Variants in ZNF724 observed in about 807,000 individuals in gnomAD.
The protein encoded by ZNF724 is zinc finger protein 724 pseudogene.
Under a neutral mutation model 29.3 loss-of-function variants are expected in ZNF724, and 14 were observed. The observed-to-expected ratio is 0.48, with a 90% CI of 0.32 to 0.75. The LOEUF is 0.75. Among genes scored for constraint, ZNF724 ranks in the 30% least tolerant of loss-of-function variants. The pLI, the probability that ZNF724 is intolerant of heterozygous loss-of-function variation, is 0.04. For missense variants in ZNF724, 557 were observed against 571.2 expected, an observed-to-expected ratio of 0.98 and a Z score of 0.25; for synonymous variants, 180 against 193.6, an observed-to-expected ratio of 0.93 and a Z score of 0.58.
At chr19:23,226,660 A>G (rs1274608175) in intron 3 of ZNF724, among the ~76,000 whole-genome samples, 1 of 152,230 alleles carries the variant, frequency 6.6e-6, no homozygotes, top group Non-Finnish European at 1.5e-5. Flanking sequence ...CAGTGTAGAA[A>G]TAAGATTATT....
At chr19:23,243,430 C>T (rs376013001) in intron 1 of ZNF724, among the ~76,000 whole-genome samples, 26 of 137,036 alleles carry the variant, frequency 1.9e-4, no homozygotes, top group African/African-American at 6.8e-4. Flanking sequence ...GAGCTGAGAT[C>T]GCGCCACTGC....
intron 3 of ZNF724, among the ~76,000 whole-genome samples, chr19:23,224,631 C>T (rs573271216): frequency 2.6e-5 from 4 of 152,054 alleles, no homozygotes; most frequent in Non-Finnish European, 4.4e-5. Context: ...CACAGCTCAT[C>T]CCTCTCCCCA....
At chr19:23,237,709 A>C (rs55734892) in intron 1 of ZNF724, among the ~76,000 whole-genome samples, 1,982 of 116,278 alleles carry the variant, frequency 0.017, 56 homozygotes, top group African/African-American at 0.06. Flanking sequence ...CAGAGCAAGA[A>C]CCCGTCTTAA....
intron 1 of ZNF724, among the ~76,000 whole-genome samples, chr19:23,239,169 C>CA (rs1346470250): frequency 6.6e-6 from 1 of 150,942 alleles, no homozygotes; most frequent in Non-Finnish European, 1.5e-5. Context: ...ATCATTGAAG[C>CA]AAAAAAATTA....
intron 1 of ZNF724, among the ~76,000 whole-genome samples, chr19:23,245,474 G>A (rs547057030): frequency 1.3e-5 from 2 of 152,248 alleles, no homozygotes; most frequent in South Asian, 2.1e-4. Flanking sequence ...TTAGCCAGGC[G>A]TGGTGGCGGG....
intron 2 of ZNF724, 149 bp from the exon 3 acceptor site, chr19:23,231,510 T>C: frequency 1.5e-6 from 1 of 645,432 alleles, no homozygotes; most frequent in Non-Finnish European, 2.4e-6. Context: ...TATTTTAAAT[T>C]TGTAGGTCCT....
Position 23,222,372 on chromosome 19 carries a change from T to C in ZNF724, c.*13A>G, listed in dbSNP as rs1223260999. The C allele has an allele frequency of 9.9e-7, 1 of 1,007,370 alleles. No individual in the cohort carries two copies. 62.4% of individuals were successfully genotyped at this position (1,007,370 alleles called of 1,614,324 possible). On this transcript the variant is annotated 3_prime_UTR_variant, in exon 4 of 4. Coordinates refer to ENST00000418100, the MANE Select transcript of ZNF724 (RefSeq NM_001355404.2). The stretch of plus-strand genomic sequence containing the variant: ...GATTACAGGTGTGAGCCACCACGCC[T>C]GGTCCATTTTTCTTATTTGTCAGAT...
At chr19:23,231,694 AT>A (rs952071251) in intron 2 of ZNF724, among the ~76,000 whole-genome samples, 45 of 148,604 alleles carry the variant, frequency 3.0e-4, no homozygotes, top group Middle Eastern at 3.5e-3. Context: ...AACATCTTGA[AT>A]TTTTTTTTTT....
At chr19:23,247,043 C>G (rs960982545) in intron 1 of ZNF724, among the ~76,000 whole-genome samples, 1 of 151,790 alleles carries the variant, frequency 6.6e-6, no homozygotes, top group African/African-American at 2.4e-5. Context: ...GCCAACATGG[C>G]GAAACCCCGT....
At chr19:23,245,618 A>G (rs2145795632) in intron 1 of ZNF724, among the ~76,000 whole-genome samples, 1 of 152,080 alleles carries the variant, frequency 6.6e-6, no homozygotes, top group East Asian at 1.9e-4. Context: ...CATCTCAAAA[A>G]AAAAAAAAAT....
In ZNF724 at chr19:23,227,571, C is replaced by CAAAAACA. The variant is rs1971859365; in HGVS notation, c.227-3554_227-3553insTGTTTTT. Among the ~76,000 whole-genome samples, 9 of 119,012 alleles carry CAAAAACA rather than the reference C, an allele frequency of 7.6e-5. 1 individual carries two copies. The South Asian group carries it at 1.1e-3, about 15-fold the overall frequency. 78.1% of individuals were successfully genotyped at this position (119,012 alleles called of 152,430 possible). ...GCTCCATCTCAAAAAAAAAAAAAAACAAAAAAAAACAAGTTAAATTATATT... is the reference window on the plus strand; with the variant it reads ...GCTCCATCTCAAAAAAAAAAAAAAACAAAAACAAAAAAAAAACAAGTTAAATTATATT... On this transcript the variant is annotated intron_variant, in intron 3 of 3. Transcript: ENST00000418100.
intron 1 of ZNF724, among the ~76,000 whole-genome samples, chr19:23,232,995 GAA>G (rs199943400): frequency 4.3e-4 from 65 of 152,188 alleles, no homozygotes; most frequent in East Asian, 3.5e-3. Context: ...ACTGTATAGT[GAA>G]AAAATCTGTC....
In ZNF724 at chr19:23,240,364, G is replaced by A. The variant is rs148691015; in HGVS notation, c.4-8071C>T. 7.2e-4 allele frequency among the ~76,000 whole-genome samples: 109 copies of A among 151,276 alleles called. No homozygotes were observed. The East Asian group carries it at 0.016, about 23-fold the overall frequency. ...GGCACTAAGGCCCAGAGTTTTGGTCGCACTCTGACCAAAAAATGAGAATGG... is the reference window on the plus strand; with the variant it reads ...GGCACTAAGGCCCAGAGTTTTGGTCACACTCTGACCAAAAAATGAGAATGG... On this transcript the variant is annotated intron_variant, in intron 1 of 3. Coordinates refer to ENST00000418100, the MANE Select transcript of ZNF724 (RefSeq NM_001355404.2).
chr19:23,249,118 T>A (rs781178734), intron 1 of ZNF724, among the ~76,000 whole-genome samples: 7 of 152,158 alleles, frequency 4.6e-5, no homozygotes, highest in Non-Finnish European at 1.0e-4. Flanking sequence ...GATTTTTGCA[T>A]CATGCACCTT....
intron 1 of ZNF724, among the ~76,000 whole-genome samples, chr19:23,241,121 TA>T (rs1447603873): frequency 1.3e-5 from 2 of 151,856 alleles, no homozygotes; most frequent in African/African-American, 4.8e-5. Flanking sequence ...TGAAGTTTAC[TA>T]TAGACACCTC....
At chr19:23,245,761 T>TTA (rs1275643778) in intron 1 of ZNF724, among the ~76,000 whole-genome samples, 1 of 152,170 alleles carries the variant, frequency 6.6e-6, no homozygotes, top group Non-Finnish European at 1.5e-5. Flanking sequence ...CTTAAAGACC[T>TTA]TATAATTGGT....
At chr19:23,233,229 ATCT>A (rs1053437537) in intron 1 of ZNF724, among the ~76,000 whole-genome samples, 5 of 152,164 alleles carry the variant, frequency 3.3e-5, no homozygotes, top group African/African-American at 1.2e-4. Flanking sequence ...AGATACAGGA[ATCT>A]TCTATTCAAG....
intron 1 of ZNF724, among the ~76,000 whole-genome samples, chr19:23,249,366 G>C (rs1194881185): frequency 6.7e-6 from 1 of 149,954 alleles, no homozygotes; most frequent in Non-Finnish European, 1.5e-5. Context: ...TCAGCCTCCC[G>C]AGTGGCTGGG....
intron 1 of ZNF724, among the ~76,000 whole-genome samples, chr19:23,248,100 A>AG (rs1449769521): frequency 6.6e-6 from 1 of 152,212 alleles, no homozygotes; most frequent in East Asian, 1.9e-4. Context: ...CTCTGTGCTT[A>AG]GGGAAGATAA....
Sources: allele counts gnomAD v4.1 joint callset (sites outside exome capture counted in the v4.1 genomes callset), GRCh38; gene constraint gnomAD v4.1.1; transcripts MANE v1.5; gene names NCBI Gene and HGNC (gene_info 2026-07-23, HGNC 2026-07-21).